Variants in INPP4B observed in about 807,000 individuals in gnomAD.
INPP4B encodes inositol polyphosphate-4-phosphatase type II B, also known as inositol polyphosphate 4-phosphatase type II.
In INPP4B, 55 loss-of-function variants were observed where a neutral mutation model predicts 122.5. That is an observed-to-expected ratio of 0.45 (90% confidence interval 0.36 to 0.56). The LOEUF (loss-of-function observed/expected upper bound fraction) is 0.56, where lower values mean the gene tolerates loss of function less well. Ranked by LOEUF, INPP4B falls within the 20% of genes least tolerant of loss-of-function variation. INPP4B has a pLI of 0.00. For missense variants in INPP4B, 1,000 were observed against 1,097.7 expected (o/e 0.91, Z 1.26); for synonymous variants, 403 against 388.7 (o/e 1.04, Z -0.43).
chr4:142,438,204 T>C (rs372830227), intron 3 of INPP4B, among the ~76,000 whole-genome samples: 1 of 152,060 alleles, frequency 6.6e-6, no homozygotes, highest in East Asian at 1.9e-4. Context: ...AAAAACTACT[T>C]TAAAATTCAT....
At chr4:142,206,340 C>A (rs1842567235) in intron 14 of INPP4B, among the ~76,000 whole-genome samples, 1 of 141,742 alleles carries the variant, frequency 7.1e-6, no homozygotes, top group African/African-American at 2.6e-5. Context: ...TGGGCCCATC[C>A]ATCTCTCTCT....
intron 17 of INPP4B, among the ~76,000 whole-genome samples, chr4:142,157,672 T>C (rs1817945981): frequency 6.6e-6 from 1 of 152,082 alleles, no homozygotes; most frequent in Non-Finnish European, 1.5e-5. Context: ...AGAAAGACTT[T>C]TTTCCTGGTG....
At chr4:142,721,415 G>GATAT (rs1199626188) in intron 2 of INPP4B, among the ~76,000 whole-genome samples, 3 of 152,134 alleles carry the variant, frequency 2.0e-5, no homozygotes, top group Non-Finnish European at 2.9e-5. Context: ...TGTATGGAGT[G>GATAT]GCACAAAGCC....
intron 2 of INPP4B, among the ~76,000 whole-genome samples, chr4:142,650,998 G>T (rs938792769): frequency 6.6e-6 from 1 of 152,110 alleles, no homozygotes; most frequent in Non-Finnish European, 1.5e-5. Context: ...AAATGCAAAT[G>T]AACAGAAATC....
At chr4:142,161,773 C>T (rs1820229052) in intron 16 of INPP4B, among the ~76,000 whole-genome samples, 2 of 151,808 alleles carry the variant, frequency 1.3e-5, no homozygotes, top group Non-Finnish European at 2.9e-5. Context: ...ACTCATTTGC[C>T]ATAGATCATA....
At position 142,145,892 on chromosome 4, in the gene INPP4B, A is replaced by G. The variant is rs1448874358; in HGVS notation, c.1668T>C (p.Asn556=). The G allele has an allele frequency of 6.2e-6, 10 of 1,613,646 alleles. No homozygotes were observed. In the African/African-American group the frequency reaches 8.0e-5, roughly 13 times the overall value. Residue 556 remains asparagine, a synonymous_variant, in exon 18 of 26, where the codon AAT becomes AAC. Transcript: ENST00000262992. ...DGGSEGSGGN[N]DGEKEPSLTD... Reference sequence around the variant, plus strand: ...TTAATGAAGGTTCCTTTTCTCCATCATTGTTGCCGCCACTGCCTTCACTGC... The same window carrying G: ...TTAATGAAGGTTCCTTTTCTCCATCGTTGTTGCCGCCACTGCCTTCACTGC...
At chr4:142,723,882 T>C (rs780965346) in intron 2 of INPP4B, among the ~76,000 whole-genome samples, 3 of 152,050 alleles carry the variant, frequency 2.0e-5, no homozygotes, top group African/African-American at 4.8e-5. Context: ...CACCCCCAGT[T>C]CAACAAATCT....
At chr4:142,627,205 C>G (rs1390002960) in intron 2 of INPP4B, among the ~76,000 whole-genome samples, 1 of 152,024 alleles carries the variant, frequency 6.6e-6, no homozygotes, top group African/African-American at 2.4e-5. Context: ...CAAACAGGGA[C>G]AATTTGACTT....
intron 1 of INPP4B, among the ~76,000 whole-genome samples, chr4:142,813,469 T>C: frequency 6.6e-6 from 1 of 152,162 alleles, no homozygotes. Flanking sequence ...TATAACACAA[T>C]GTTTCTCTAA....
chr4:142,623,832 C>G (rs1367979406), intron 2 of INPP4B, among the ~76,000 whole-genome samples: 1 of 149,448 alleles, frequency 6.7e-6, no homozygotes, highest in African/African-American at 2.5e-5. Context: ...GGTTTTTTGT[C>G]CTTGCGATAG....
chr4:142,152,571 G>A (rs1814800079), intron 17 of INPP4B, among the ~76,000 whole-genome samples: 1 of 151,896 alleles, frequency 6.6e-6, no homozygotes, highest in African/African-American at 2.4e-5. Flanking sequence ...AAAATTTTGG[G>A]CGTTTTTAAA....
chr4:142,235,745 T>C (rs1856435492), intron 12 of INPP4B, among the ~76,000 whole-genome samples: 1 of 152,242 alleles, frequency 6.6e-6, no homozygotes, highest in African/African-American at 2.4e-5. Flanking sequence ...TATTTTATAT[T>C]GTCTATGTCT....
At chr4:142,214,573 G>C (rs1846253673) in intron 12 of INPP4B, among the ~76,000 whole-genome samples, 1 of 152,060 alleles carries the variant, frequency 6.6e-6, no homozygotes, top group Non-Finnish European at 1.5e-5. Context: ...TCTTTTTTGA[G>C]ATGGAGTCTC....
chr4:142,708,480 G>A (rs2150785035), intron 2 of INPP4B, among the ~76,000 whole-genome samples: 1 of 152,282 alleles, frequency 6.6e-6, no homozygotes, highest in East Asian at 1.9e-4. Flanking sequence ...CCAGGGCCCT[G>A]CTGCCCTGTG....
chr4:142,263,993 G>C (rs1741560865), intron 10 of INPP4B, among the ~76,000 whole-genome samples: 1 of 152,038 alleles, frequency 6.6e-6, no homozygotes, highest in Non-Finnish European at 1.5e-5. Context: ...GGAGGTCAAA[G>C]AAGTAATGAA....
intron 11 of INPP4B, among the ~76,000 whole-genome samples, chr4:142,258,797 A>G (rs977407887): frequency 8.5e-5 from 13 of 152,166 alleles, no homozygotes; most frequent in Admixed American, 1.3e-4. Context: ...TCAGTGTGGC[A>G]ATTCCTCAGG....
chr4:142,386,004 G>A (rs1394198370), intron 7 of INPP4B, among the ~76,000 whole-genome samples: 1 of 151,984 alleles, frequency 6.6e-6, no homozygotes, highest in South Asian at 2.1e-4. Context: ...GATCACTAAA[G>A]CTTATCTCTT....
chr4:142,506,789 A>G (rs1001820489), intron 2 of INPP4B, among the ~76,000 whole-genome samples: 2 of 152,178 alleles, frequency 1.3e-5, no homozygotes, highest in Non-Finnish European at 2.9e-5. Context: ...TACTTTTAAT[A>G]TTTGAAAATG....
At chr4:142,122,484 G>T (rs984755808) in intron 20 of INPP4B, among the ~76,000 whole-genome samples, 2 of 151,058 alleles carry the variant, frequency 1.3e-5, no homozygotes, top group Admixed American at 1.3e-4. Context: ...GTGGACATTT[G>T]CTGTGAGGCT....
Sources: gnomAD v4.1 joint callset for allele counts (sites outside exome capture counted in the v4.1 genomes callset) on GRCh38, gnomAD v4.1.1 for gene constraint, MANE v1.5 for transcripts, NCBI Gene and HGNC (gene_info 2026-07-23, HGNC 2026-07-21) for gene names.